PRICKLE2: variants seen among roughly 807,000 people sequenced by gnomAD.
The protein encoded by PRICKLE2 is prickle planar cell polarity protein 2.
In PRICKLE2, 21 loss-of-function variants were observed where a neutral mutation model predicts 81.4. That is an observed-to-expected ratio of 0.26 (90% CI 0.18 to 0.37). PRICKLE2 has a LOEUF of 0.37. PRICKLE2 is among the 10% of genes least tolerant of loss of function. The probability of loss-of-function intolerance (pLI) is 1.00; values close to 1 mark genes in which losing one functional copy is unlikely to be tolerated. For synonymous variants in PRICKLE2, 456 were observed against 421.5 expected (o/e 1.08, Z -1.00); for missense variants, 940 against 1,109.0 (o/e 0.85, Z 2.16).
intron 2 of PRICKLE2, among the ~76,000 whole-genome samples, chr3:64,254,587 A>C (rs1312479649): frequency 6.6e-6 from 1 of 152,158 alleles, no homozygotes; most frequent in Non-Finnish European, 1.5e-5. Context: ...TATACATTTG[A>C]CCAACAATAA....
chr3:64,140,380 G>C (rs704390), intron 7 of PRICKLE2, among the ~76,000 whole-genome samples: 133,298 of 152,208 alleles, frequency 0.88, 58,431 homozygotes, highest in East Asian at 1. Flanking sequence ...CAGAAACGTT[G>C]TTTCCCCTTC....
At chr3:64,203,135 C>T (rs1158179283) in intron 1 of PRICKLE2, among the ~76,000 whole-genome samples, 1 of 152,092 alleles carries the variant, frequency 6.6e-6, no homozygotes, top group African/African-American at 2.4e-5. Context: ...TTGTCAGATT[C>T]CCCCACTTTC....
intron 2 of PRICKLE2, among the ~76,000 whole-genome samples, chr3:64,191,227 G>A (rs1340482989): frequency 6.6e-6 from 1 of 152,146 alleles, no homozygotes; most frequent in Non-Finnish European, 1.5e-5. Context: ...CCATCTCCAC[G>A]TAACCTCCCT....
chr3:64,265,748 A>G (rs1163346019), intron 2 of PRICKLE2, among the ~76,000 whole-genome samples: 1 of 152,204 alleles, frequency 6.6e-6, no homozygotes, highest in African/African-American at 2.4e-5. Flanking sequence ...CAAATTGGTG[A>G]GTGCTAGTTC....
chr3:64,243,579 T>C (rs921694253), intron 2 of PRICKLE2, among the ~76,000 whole-genome samples: 8 of 152,202 alleles, frequency 5.3e-5, no homozygotes, highest in Non-Finnish European at 7.3e-5. Context: ...TGTCACTTAC[T>C]AGCTGTGTGA....
intron 2 of PRICKLE2, among the ~76,000 whole-genome samples, chr3:64,191,832 C>A (rs951340756): frequency 1.3e-5 from 2 of 152,180 alleles, no homozygotes; most frequent in Non-Finnish European, 2.9e-5. Flanking sequence ...CTGTTTCCTC[C>A]TCATGCCATG....
intron 2 of PRICKLE2, among the ~76,000 whole-genome samples, chr3:64,238,687 C>G (rs1051456014): frequency 6.6e-6 from 1 of 152,022 alleles, no homozygotes; most frequent in African/African-American, 2.4e-5. Context: ...TGTCCCTACC[C>G]CTTCTTATTA....
intron 7 of PRICKLE2, among the ~76,000 whole-genome samples, chr3:64,122,522 A>C (rs1051538416): frequency 3.9e-5 from 6 of 152,152 alleles, no homozygotes; most frequent in Admixed American, 3.3e-4. Context: ...CCAAAAAATG[A>C]CTGCTTTGAA....
At chr3:64,142,613 T>C (rs1249128074) in intron 7 of PRICKLE2, among the ~76,000 whole-genome samples, 16 of 152,260 alleles carry the variant, frequency 1.1e-4, no homozygotes, top group Admixed American at 9.2e-4. Context: ...GCCTGGCCCA[T>C]GCAGGAGTAT....
In PRICKLE2 at chr3:64,157,194, A is replaced by T. The variant is rs2077649302; in HGVS notation, c.568T>A (p.Cys190Ser). The part of the protein sequence containing the change: ...KIYCGRHHAE[C>S]LKPRCAACDE... ...CAGGCAGCACAGCGCGGCTTCAGGC[A>T]CTCAGCATGGTGCCTGCCACAGTAT... Residue 190 changes from cysteine to serine, a missense_variant, in exon 5 of 8, where the codon TGC (cysteine) becomes AGC (serine). Physicochemically the swap from Cys to Ser is moderately radical, Grantham distance 112. This residue lies in a region of PRICKLE2 where 270 missense variants were observed against 391.8 expected (regional missense o/e 0.69). Coordinates refer to ENST00000638394, the MANE Select transcript of PRICKLE2 (RefSeq NM_198859.4). 1 of 1,614,166 alleles carries T rather than the reference A, an allele frequency of 6.2e-7. No homozygotes were observed. The highest frequency in any genetic ancestry group is 8.5e-7 in the Non-Finnish European group (1 of 1,180,004).
intron 2 of PRICKLE2, among the ~76,000 whole-genome samples, chr3:64,167,149 C>A (rs866390853): frequency 1.4e-4 from 21 of 152,242 alleles, no homozygotes; most frequent in African/African-American, 4.8e-4. Context: ...CCTGAAAATC[C>A]TGCAGATTGT....
chr3:64,262,712 T>C (rs1013470241), intron 2 of PRICKLE2, among the ~76,000 whole-genome samples: 5 of 151,844 alleles, frequency 3.3e-5, no homozygotes, highest in South Asian at 2.1e-4. Flanking sequence ...CAGAAAGTTA[T>C]AGAAGGAAGC....
At chr3:64,150,467 A>C (rs554063885) in intron 6 of PRICKLE2, among the ~76,000 whole-genome samples, 3 of 152,222 alleles carry the variant, frequency 2.0e-5, no homozygotes, top group African/African-American at 7.2e-5. Context: ...CTCTTCGCTG[A>C]GGGTCACTGC....
chr3:64,233,174 C>T (rs2079131343), intron 2 of PRICKLE2, among the ~76,000 whole-genome samples: 1 of 152,160 alleles, frequency 6.6e-6, no homozygotes, highest in Admixed American at 6.5e-5. Context: ...ATCTTTCCTC[C>T]ACCATCATCA....
intron 1 of PRICKLE2, among the ~76,000 whole-genome samples, chr3:64,206,371 T>C (rs2078690072): frequency 6.6e-6 from 1 of 152,196 alleles, no homozygotes; most frequent in Admixed American, 6.5e-5. Context: ...ATCGATGGTC[T>C]CAGCAACTCT....
chr3:64,236,499 AT>A (rs1406193583), intron 2 of PRICKLE2, among the ~76,000 whole-genome samples: 1 of 152,232 alleles, frequency 6.6e-6, no homozygotes, highest in East Asian at 1.9e-4. Flanking sequence ...CAGGTGACTG[AT>A]GAAAAAAAAG....
At chr3:64,149,418 GCT>G (rs2077508301) in intron 6 of PRICKLE2, among the ~76,000 whole-genome samples, 1 of 152,214 alleles carries the variant, frequency 6.6e-6, no homozygotes, top group Non-Finnish European at 1.5e-5. Flanking sequence ...CACACAGCAG[GCT>G]CTTTTTATAG....
chr3:64,212,151 T>C (rs1003148385), intron 1 of PRICKLE2, among the ~76,000 whole-genome samples: 3 of 152,174 alleles, frequency 2.0e-5, no homozygotes, highest in Admixed American at 6.5e-5. Flanking sequence ...CCCACATCAC[T>C]GTATCCCTGT....
rs1232533034 is a variant in PRICKLE2, at chr3:64,096,005, T to C, written c.*3046A>G. Reference sequence around the variant, plus strand: ...TTCACAGTACCAAGGGTGGTATGGATTGGCAGAGCCACTCAGGAAACTGTC... The same window carrying C: ...TTCACAGTACCAAGGGTGGTATGGACTGGCAGAGCCACTCAGGAAACTGTC... On this transcript the variant is annotated 3_prime_UTR_variant, in exon 8 of 8. Coordinates refer to ENST00000638394, the MANE Select transcript of PRICKLE2 (RefSeq NM_198859.4). 1 of 152,184 alleles carries C rather than the reference T, an allele frequency of 6.6e-6. No homozygotes were observed. Among genetic ancestry groups the C allele is most frequent in the African/African-American group, 2.4e-5 (1 of 41,436 alleles). 9.4% of individuals were successfully genotyped at this position (152,184 alleles called of 1,614,324 possible).
Sources: gnomAD v4.1 joint callset for allele counts (sites outside exome capture counted in the v4.1 genomes callset) on GRCh38, gnomAD v4.1.1 for gene constraint, gnomAD v4.1.1 regional missense constraint, MANE v1.5 for transcripts, NCBI Gene and HGNC (gene_info 2026-07-23, HGNC 2026-07-21) for gene names.